The following MAST4 variants were observed in gnomAD, a reference collection of about 807,000 sequenced individuals.
The protein encoded by MAST4 is microtubule-associated serine/threonine-protein kinase 4.
A neutral mutation model predicts 162.7 loss-of-function variants in MAST4; 89 were observed. The observed-to-expected ratio is 0.55, with a 90% CI of 0.46 to 0.65. The LOEUF (loss-of-function observed/expected upper bound fraction) is 0.65. MAST4 is among the 30% of genes least tolerant of loss of function. MAST4 has a pLI of 0.00. For missense variants in MAST4, 3,153 were observed against 3,374.0 expected (o/e 0.93, Z 1.62); for synonymous variants, 1,479 against 1,361.1 (o/e 1.09, Z -1.91).
At chr5:66,938,825 C>T (rs1410329324) in intron 4 of MAST4, among the ~76,000 whole-genome samples, 4 of 152,122 alleles carry the variant, frequency 2.6e-5, no homozygotes, top group Non-Finnish European at 5.9e-5. Flanking sequence ...AAACCCACAA[C>T]ACATAAACAG....
chr5:67,034,362 C>T (rs1755749314), intron 4 of MAST4, among the ~76,000 whole-genome samples: 1 of 152,126 alleles, frequency 6.6e-6, no homozygotes. Context: ...TCAGGTGATA[C>T]TTGTGGGCCT....
intron 1 of MAST4, among the ~76,000 whole-genome samples, chr5:66,599,561 C>T (rs1462665146): frequency 6.6e-6 from 1 of 152,082 alleles, no homozygotes; most frequent in Non-Finnish European, 1.5e-5. Flanking sequence ...GCATCAAATG[C>T]CAAGTAAGTG....
intron 2 of MAST4, 73 bp downstream of exon 2, chr5:66,759,935 A>G (rs1250145367): frequency 1.3e-6 from 2 of 1,513,926 alleles, no homozygotes; most frequent in East Asian, 2.3e-5. Flanking sequence ...CCAGAGTTCC[A>G]CATGTAATCA....
Position 67,169,129 on chromosome 5 carries a change from T to G in MAST4, c.*2078T>G, listed in dbSNP as rs1410569321. ...ACATTCAGCCATCGGGACAAGTCTGTCGGGGAGGTAGTTCATGGTTTACAA... is the reference window on the plus strand; with the variant it reads ...ACATTCAGCCATCGGGACAAGTCTGGCGGGGAGGTAGTTCATGGTTTACAA... On this transcript the variant is annotated 3_prime_UTR_variant, in exon 29 of 29. Transcript: ENST00000403625. 1.3e-5 allele frequency: 2 copies of G among 152,226 alleles called. No homozygotes were observed. Among genetic ancestry groups the G allele is most frequent in the African/African-American group, 4.8e-5 (2 of 41,456 alleles). The allele number at this position is 152,226 out of a possible 1,614,324, so 9.4% of individuals were successfully genotyped here.
chr5:66,889,773 T>C (rs1010702564), intron 3 of MAST4, among the ~76,000 whole-genome samples: 4 of 152,196 alleles, frequency 2.6e-5, no homozygotes, highest in Admixed American at 2.0e-4. Context: ...CTGTGCCACA[T>C]GCAGGACATG....
chr5:66,979,902 G>A (rs760751459), intron 4 of MAST4, among the ~76,000 whole-genome samples: 3 of 152,198 alleles, frequency 2.0e-5, no homozygotes, highest in Non-Finnish European at 2.9e-5. Flanking sequence ...CCTAATACGA[G>A]TACAGACAGT....
intron 27 of MAST4, among the ~76,000 whole-genome samples, chr5:67,161,251 C>T (rs1054449845): frequency 6.6e-6 from 1 of 152,064 alleles, no homozygotes; most frequent in Non-Finnish European, 1.5e-5. Flanking sequence ...TGATGAGTCA[C>T]ATCATATTAA....
chr5:66,750,535 G>A (rs1056613335), intron 1 of MAST4, among the ~76,000 whole-genome samples: 5 of 152,192 alleles, frequency 3.3e-5, no homozygotes, highest in Admixed American at 2.6e-4. Context: ...AAGGGGTGAC[G>A]GACGCACCTT....
intron 3 of MAST4, among the ~76,000 whole-genome samples, chr5:66,792,807 T>C (rs1046050580): frequency 3.9e-5 from 6 of 152,356 alleles, no homozygotes; most frequent in Admixed American, 2.6e-4. Context: ...TTTTAAGCAA[T>C]CATATAGTCA....
chr5:66,668,570 G>C (rs1747414306), intron 1 of MAST4, among the ~76,000 whole-genome samples: 1 of 152,120 alleles, frequency 6.6e-6, no homozygotes, highest in Admixed American at 6.5e-5. Context: ...TTCCCCAAGA[G>C]GAAGACGACT....
At chr5:66,945,827 AAACTTGCACAT>A (rs747210066) in intron 4 of MAST4, among the ~76,000 whole-genome samples, 1 of 152,174 alleles carries the variant, frequency 6.6e-6, no homozygotes, top group African/African-American at 2.4e-5. Context: ...GGTGCCCATT[AAACTTGCACAT>A]AACTTGCACA....
chr5:66,919,764 A>G (rs912978726), intron 4 of MAST4, among the ~76,000 whole-genome samples: 17 of 152,190 alleles, frequency 1.1e-4, no homozygotes, highest in African/African-American at 4.1e-4. Flanking sequence ...TTTGGTCTCT[A>G]ATATTATTCT....
intron 4 of MAST4, among the ~76,000 whole-genome samples, chr5:66,972,640 T>G (rs926404794): frequency 2.0e-5 from 3 of 152,236 alleles, no homozygotes; most frequent in Non-Finnish European, 4.4e-5. Context: ...CACCTTAGTC[T>G]GAGCCGCTGC....
rs1259529940 is a variant in MAST4 at position 67,164,746 on chromosome 5, C to T, written c.5567C>T (p.Ala1856Val). The change falls in exon 29 of 29, where the codon GCA becomes GTA. Residue 1856 changes from alanine to valine, a missense_variant. This residue lies in a region of MAST4 where 1,644 missense variants were observed against 1,495.0 expected (regional missense o/e 1.10). Transcript: ENST00000403625. The surrounding 1 kb of genome is among the most constrained non-coding windows in gnomAD (Gnocchi z 5.3). ...GGGAAAAAGAACGATACCACCAGTG[C>T]AAGAGAGCTTTCTCCTTCCAGCTTA... ...SSGKKNDTTS[A>V]RELSPSSLKM... 5 of 1,613,996 alleles carry T rather than the reference C, an allele frequency of 3.1e-6. No individual in the cohort carries two copies. In the East Asian group the frequency reaches 8.9e-5, roughly 29 times the overall value.
intron 4 of MAST4, among the ~76,000 whole-genome samples, chr5:67,051,496 G>GT (rs1204674450): frequency 1.3e-5 from 2 of 152,106 alleles, no homozygotes; most frequent in African/African-American, 4.8e-5. Context: ...CCCACTTGAA[G>GT]TTTTCTTACT....
chr5:66,625,228 A>T (rs1421501509), intron 1 of MAST4, among the ~76,000 whole-genome samples: 1 of 152,176 alleles, frequency 6.6e-6, no homozygotes, highest in Non-Finnish European at 1.5e-5. Flanking sequence ...TCAGGTTGAG[A>T]TAAATGAAAA....
intron 3 of MAST4, among the ~76,000 whole-genome samples, chr5:66,838,872 G>C (rs1414511724): frequency 1.3e-5 from 2 of 152,130 alleles, no homozygotes; most frequent in African/African-American, 4.8e-5. Context: ...TCAGGGATTT[G>C]GGCCTCATAG....
At chr5:66,740,707 T>G (rs1752435417) in intron 1 of MAST4, among the ~76,000 whole-genome samples, 3 of 152,176 alleles carry the variant, frequency 2.0e-5, no homozygotes, top group South Asian at 2.1e-4. Flanking sequence ...GCAGGCCCAG[T>G]GGAGCCTCTT....
chr5:66,699,313 C>T (rs923878355), intron 1 of MAST4, among the ~76,000 whole-genome samples: 3 of 152,160 alleles, frequency 2.0e-5, no homozygotes, highest in Non-Finnish European at 4.4e-5. Context: ...CCTGACTGCC[C>T]CAGCAGCACA....
Sources: allele counts gnomAD v4.1 joint callset (sites outside exome capture counted in the v4.1 genomes callset), GRCh38; gene constraint gnomAD v4.1.1; regional missense constraint gnomAD v4.1.1; non-coding constraint Gnocchi (gnomAD v3.1); transcripts MANE v1.5; gene names NCBI Gene and HGNC (gene_info 2026-07-23, HGNC 2026-07-21).